The following SLFN14 variants were observed in gnomAD, a reference collection of about 807,000 sequenced individuals.
SLFN14 encodes protein SLFN14.
In SLFN14, 47 loss-of-function variants were observed where a neutral mutation model predicts 58.6. That is an observed-to-expected ratio of 0.80 (90% confidence interval 0.64 to 1.02). SLFN14 has a LOEUF of 1.02. Among genes scored for constraint, SLFN14 ranks in the 50% least tolerant of loss-of-function variants. The pLI is 0.00. For missense variants in SLFN14, 967 were observed against 1,078.4 expected (o/e 0.90, Z 1.45); for synonymous variants, 390 against 387.3 (o/e 1.01, Z -0.08).
intron 5 of SLFN14, among the ~76,000 whole-genome samples, chr17:35,551,108 A>G (rs1459679845): frequency 6.6e-6 from 1 of 152,240 alleles, no homozygotes; most frequent in Non-Finnish European, 1.5e-5. Flanking sequence ...GAGATGTTTA[A>G]GGTTGAACAT....
chr17:35,556,411 T>G (rs956129314), intron 3 of SLFN14, among the ~76,000 whole-genome samples: 4 of 152,166 alleles, frequency 2.6e-5, no homozygotes, highest in Non-Finnish European at 5.9e-5. Context: ...GCCTGCACAA[T>G]TTTTTCAACA....
At chr17:35,552,290 T>C (rs2072597393) in intron 5 of SLFN14, among the ~76,000 whole-genome samples, 1 of 152,110 alleles carries the variant, frequency 6.6e-6, no homozygotes, top group South Asian at 2.1e-4. Context: ...CTAGCTGGAT[T>C]TCCTAGGCTG....
chr17:35,549,673 C>G (rs572157126), intron 5 of SLFN14, among the ~76,000 whole-genome samples: 4 of 152,268 alleles, frequency 2.6e-5, no homozygotes, highest in Admixed American at 2.6e-4. Context: ...TTATAGTACG[C>G]TTTAGCATAT....
chr17:35,548,310 G>A lies in SLFN14; in HGVS notation c.2668C>T (p.His890Tyr). ...GCTCTTGAAGCAAAGCAGAGCTTAT[G>A]AAATTCCTCTGACTGGTCACATTCT... Reference protein sequence around the residue: ...SPECDQSEEFHKLCFASRAIK... With the variant: ...SPECDQSEEFYKLCFASRAIK... Residue 890 changes from histidine (H) to tyrosine (Y), a missense_variant, in exon 6 of 6, where the codon CAT (histidine) becomes TAT (tyrosine). Physicochemically the swap from His to Tyr is moderately conservative, Grantham distance 83. Coordinates refer to ENST00000674182, the MANE Select transcript of SLFN14 (RefSeq NM_001129820.2). 1 of 1,551,700 alleles carries A rather than the reference G, an allele frequency of 6.4e-7. No individual in the cohort carries two copies. The highest frequency in any genetic ancestry group is 8.7e-7 in the Non-Finnish European group (1 of 1,146,990).
At chr17:35,560,223 C>T (rs942995427) in intron 1 of SLFN14, among the ~76,000 whole-genome samples, 44 of 152,204 alleles carry the variant, frequency 2.9e-4, no homozygotes, top group African/African-American at 9.6e-4. Flanking sequence ...TCTCGTGACT[C>T]GTAAGTCTCA....
chr17:35,548,355 C>A lies in SLFN14; in HGVS notation c.2623G>T (p.Val875Phe), dbSNP rs1226424877. The A allele has an allele frequency of 6.4e-7, 1 of 1,551,718 alleles. No individual in the cohort carries two copies. The highest frequency in any genetic ancestry group is 8.7e-7 in the Non-Finnish European group (1 of 1,146,988). ...CATTCTGGACTAAGCCCAAACACGA[C>A]AGTCCTCTCCAGGCCTGAAAATTGC... ...IQQFSGLERT[V>F]VFGLSPECDQ... Residue 875 changes from valine to phenylalanine, a missense_variant, in exon 6 of 6, where the codon GTC becomes TTC. Coordinates refer to ENST00000674182, the MANE Select transcript of SLFN14 (RefSeq NM_001129820.2).
Position 35,548,018 on chromosome 17 carries a change from G to A in SLFN14, c.*221C>T. On this transcript the variant is annotated 3_prime_UTR_variant, in exon 6 of 6. Coordinates refer to ENST00000674182, the MANE Select transcript of SLFN14 (RefSeq NM_001129820.2). ...AAGCTGGAGACAGGGGACTAATGAA[G>A]TCTATTGTAATTGTATAGGTAGGAG... 2 of 562,548 alleles carry A rather than the reference G, an allele frequency of 3.6e-6. No individual in the cohort carries two copies. The highest frequency in any genetic ancestry group is 4.6e-5 in the South Asian group (2 of 43,240). The allele number at this position is 562,548 out of a possible 1,614,324, so 34.8% of individuals were successfully genotyped here.
rs1402016388 is a variant in SLFN14, at chr17:35,557,859, G to A, written c.204C>T (p.Thr68=). 6.4e-7 allele frequency: 1 copy of A among 1,551,670 alleles called. No individual in the cohort carries two copies. Among genetic ancestry groups the A allele is most frequent in the Non-Finnish European group, 8.7e-7 (1 of 1,146,980 alleles). ...GVIKAEIDDK[T]YSYQCHGLGQ... ...CCAGCCCATGGCATTGGTAACTATA[G>A]GTTTTATCATCAATCTCTGCTTTGA... Residue 68 remains threonine (T), a synonymous_variant, in exon 3 of 6, where the codon ACC becomes ACT. Coordinates refer to ENST00000674182, the MANE Select transcript of SLFN14 (RefSeq NM_001129820.2).
At chr17:35,550,931 G>A (rs1229085148) in intron 5 of SLFN14, among the ~76,000 whole-genome samples, 1 of 152,060 alleles carries the variant, frequency 6.6e-6, no homozygotes, top group Non-Finnish European at 1.5e-5. Flanking sequence ...TGTCTAATTA[G>A]CAGAAATACC....
chr17:35,549,116 G>C, intron 5 of SLFN14, 43 bp from the exon 6 acceptor site: 6 of 1,420,190 alleles, frequency 4.2e-6, no homozygotes, highest in Non-Finnish European at 5.8e-6. Context: ...TATCAACAAA[G>C]AGAACACCAG....
At position 35,549,825 on chromosome 17, in the gene SLFN14, T is replaced by C. The variant is rs374827683; in HGVS notation, c.1905-752A>G. ...CTCCCTATGCCTTGAATCATAACTA[T>C]GTTCTTCTCTTCTGGTTTGGACTGT... On this transcript the variant is annotated intron_variant, in intron 5 of 5. Coordinates refer to ENST00000674182, the MANE Select transcript of SLFN14 (RefSeq NM_001129820.2). Among the ~76,000 whole-genome samples the C allele has an allele frequency of 2.6e-5, 4 of 152,338 alleles. No homozygotes were observed. The East Asian group carries it at 5.8e-4, about 22-fold the overall frequency.
At chr17:35,554,768 A>AAT in intron 3 of SLFN14, 64 bp from the exon 4 acceptor site, 1 of 1,045,248 alleles carries the variant, frequency 9.6e-7, no homozygotes. Context: ...AAAAAAAAAA[A>AAT]GCCTCTTTTT....
chr17:35,560,297 G>T (rs1403257800), intron 1 of SLFN14, among the ~76,000 whole-genome samples: 1 of 152,162 alleles, frequency 6.6e-6, no homozygotes, highest in South Asian at 2.1e-4. Context: ...ATTCTAGCTC[G>T]AGATGAATAT....
At chr17:35,553,547 T>C (rs2072618695) in intron 4 of SLFN14, 103 bp from the exon 5 acceptor site, 1 of 906,630 alleles carries the variant, frequency 1.1e-6, no homozygotes, top group South Asian at 1.9e-5. Context: ...TTTGGGAAAA[T>C]AAGAGCTTTC....
chr17:35,547,221 A>T lies in SLFN14; in HGVS notation c.*1018T>A, dbSNP rs2072540924. Reference sequence around the variant, plus strand: ...GAATAATGAAAAACTAGTCATCCTTAGCATTCTAAATTTGCTTTAGCTTGT... The same window carrying T: ...GAATAATGAAAAACTAGTCATCCTTTGCATTCTAAATTTGCTTTAGCTTGT... On this transcript the variant is annotated 3_prime_UTR_variant, in exon 6 of 6. Transcript: ENST00000674182. 6.6e-6 allele frequency among the ~76,000 whole-genome samples: 1 copy of T among 152,220 alleles called. No homozygotes were observed. Among genetic ancestry groups the T allele is most frequent in the Non-Finnish European group, 1.5e-5 (1 of 68,034 alleles).
rs9897663 is a variant in SLFN14, at chr17:35,545,238, G to T, written c.*3001C>A. Reference sequence around the variant, plus strand: ...TCTAACATTAGAAATTCATACTATCGAATTGAATCATTGTAGATTCTAGTT... The same window carrying T: ...TCTAACATTAGAAATTCATACTATCTAATTGAATCATTGTAGATTCTAGTT... On this transcript the variant is annotated 3_prime_UTR_variant, in exon 6 of 6. Transcript: ENST00000674182. 6.6e-6 allele frequency among the ~76,000 whole-genome samples: 1 copy of T among 151,980 alleles called. No individual in the cohort carries two copies. Among genetic ancestry groups the T allele is most frequent in the African/African-American group, 2.4e-5 (1 of 41,330 alleles).
At position 35,544,890 on chromosome 17, in the gene SLFN14, T is replaced by C. The variant is rs969391382; in HGVS notation, c.*3349A>G. On this transcript the variant is annotated 3_prime_UTR_variant, in exon 6 of 6. Transcript: ENST00000674182. ...CGAAGCTTCCATGATAATATTATAT[T>C]ACCCTTCTTTTTAAAAGTAAGTTTT... Among the ~76,000 whole-genome samples, 1 of 152,186 alleles carries C rather than the reference T, an allele frequency of 6.6e-6. No individual in the cohort carries two copies. Among genetic ancestry groups the C allele is most frequent in the Non-Finnish European group, 1.5e-5 (1 of 68,026 alleles).
Position 35,557,417 on chromosome 17 carries a change from T to C in SLFN14, c.646A>G (p.Thr216Ala), listed in dbSNP as rs1459932053. 1.1e-5 allele frequency: 17 copies of C among 1,551,598 alleles called. No individual in the cohort carries two copies. The highest frequency in any genetic ancestry group is 1.5e-5 in the Non-Finnish European group (17 of 1,147,002). ...ESTHVEFKRF[T>A]TKKVIPRIKE... ...ATCCGAGGTATGACTTTTTTGGTGGTGAACCTTTTAAATTCAACATGTGTT... is the reference window on the plus strand; with the variant it reads ...ATCCGAGGTATGACTTTTTTGGTGGCGAACCTTTTAAATTCAACATGTGTT... Residue 216 changes from threonine (T) to alanine (A), a missense_variant, in exon 3 of 6, where the codon ACC becomes GCC. Thr to Ala is a moderately conservative substitution (Grantham distance 58). Transcript: ENST00000674182.
In SLFN14 at chr17:35,553,070, G is replaced by A; in HGVS notation, c.1564C>T (p.Pro522Ser). The A allele has an allele frequency of 6.4e-7, 1 of 1,551,648 alleles. No homozygotes were observed. Among genetic ancestry groups the A allele is most frequent in the Non-Finnish European group, 8.7e-7 (1 of 1,146,990 alleles). ...LIHLSSTQSRPGEIPLRYPRS... is the reference protein window; with the variant it reads ...LIHLSSTQSRSGEIPLRYPRS... ...GGGTAACGCAGGGGGATCTCACCAGGTCTACTCTGTGTGCTGCTCAGGTGT... is the reference window on the plus strand; with the variant it reads ...GGGTAACGCAGGGGGATCTCACCAGATCTACTCTGTGTGCTGCTCAGGTGT... The change falls in exon 5 of 6, where the codon CCT (proline) becomes TCT (serine). Residue 522 changes from proline to serine, a missense_variant. By Grantham distance (74) the Pro-to-Ser change is moderately conservative. Transcript: ENST00000674182.
Sources: allele counts gnomAD v4.1 joint callset (sites outside exome capture counted in the v4.1 genomes callset), GRCh38; gene constraint gnomAD v4.1.1; transcripts MANE v1.5; gene names NCBI Gene and HGNC (gene_info 2026-07-23, HGNC 2026-07-21).